Variants in TMEM132C observed in about 807,000 individuals in gnomAD.
TMEM132C encodes transmembrane protein 132C, also known as protein phosphatase 1, regulatory subunit 152.
TMEM132C carries 29 observed loss-of-function variants against 61.4 expected under a neutral mutation model. The observed-to-expected ratio is 0.47, with a 90% CI of 0.35 to 0.64. The LOEUF is 0.64. TMEM132C is among the 30% of genes least tolerant of loss of function. The pLI, the probability that TMEM132C is intolerant of heterozygous loss-of-function variation, is 0.00. For synonymous variants in TMEM132C, 656 were observed against 633.1 expected, an observed-to-expected ratio of 1.04 and a Z score of -0.54; for missense variants, 1,408 against 1,476.9, an observed-to-expected ratio of 0.95 and a Z score of 0.76.
At chr12:128,659,521 A>T (rs1261193637) in intron 4 of TMEM132C, among the ~76,000 whole-genome samples, 1 of 152,236 alleles carries the variant, frequency 6.6e-6, no homozygotes, top group Admixed American at 6.5e-5. Flanking sequence ...GAGGAGACCA[A>T]GCAAGACACC....
chr12:128,493,816 C>T (rs1182891746), intron 2 of TMEM132C, among the ~76,000 whole-genome samples: 1 of 152,168 alleles, frequency 6.6e-6, no homozygotes, highest in Admixed American at 6.5e-5. Flanking sequence ...TTGACTTCCT[C>T]TTTTCCTAAT....
chr12:128,439,740 C>A (rs1869719223), intron 2 of TMEM132C, among the ~76,000 whole-genome samples: 1 of 152,084 alleles, frequency 6.6e-6, no homozygotes, highest in Admixed American at 6.6e-5. Flanking sequence ...CTGTAGCTGA[C>A]TGTAGTGGGG....
chr12:128,694,285 C>T (rs557371388), intron 6 of TMEM132C, among the ~76,000 whole-genome samples: 2 of 152,224 alleles, frequency 1.3e-5, no homozygotes, highest in East Asian at 1.9e-4. Flanking sequence ...CAAAATGACA[C>T]GATGGAGTTA....
At chr12:128,460,778 C>A (rs191007276) in intron 2 of TMEM132C, among the ~76,000 whole-genome samples, 52 of 152,274 alleles carry the variant, frequency 3.4e-4, no homozygotes, top group African/African-American at 1.1e-3. Flanking sequence ...CCGCAGGACT[C>A]CACTCTTGGC....
At chr12:128,289,262 TTA>T (rs2135906947) in intron 1 of TMEM132C, among the ~76,000 whole-genome samples, 1 of 152,144 alleles carries the variant, frequency 6.6e-6, no homozygotes, top group African/African-American at 2.4e-5. Context: ...ACATGCACAC[TTA>T]TACACACGCA....
chr12:128,505,461 T>G (rs1004903873), intron 2 of TMEM132C, among the ~76,000 whole-genome samples: 3 of 152,134 alleles, frequency 2.0e-5, no homozygotes, highest in Non-Finnish European at 4.4e-5. Flanking sequence ...AAGGAGTCTG[T>G]GGGGGGCTAG....
chr12:128,699,820 G>C (rs1213026186), intron 8 of TMEM132C, among the ~76,000 whole-genome samples: 1 of 152,168 alleles, frequency 6.6e-6, no homozygotes, highest in African/African-American at 2.4e-5. Flanking sequence ...TGAAGAGAGA[G>C]TTGCTACCTG....
chr12:128,390,954 A>G (rs1023004096), intron 1 of TMEM132C, among the ~76,000 whole-genome samples: 2 of 152,154 alleles, frequency 1.3e-5, no homozygotes, highest in Admixed American at 6.5e-5. Context: ...TTGAAGCTGT[A>G]ATTTGAAGAG....
chr12:128,465,892 G>A (rs555372214), intron 2 of TMEM132C, among the ~76,000 whole-genome samples: 1 of 152,334 alleles, frequency 6.6e-6, no homozygotes, highest in East Asian at 1.9e-4. Context: ...GTGTCTGTGG[G>A]AAGGAGGATG....
chr12:128,279,648 T>C (rs1042611598), intron 1 of TMEM132C, among the ~76,000 whole-genome samples: 1 of 152,222 alleles, frequency 6.6e-6, no homozygotes, highest in Non-Finnish European at 1.5e-5. Context: ...ATGCCTACTG[T>C]GGGGTAACTT....
intron 2 of TMEM132C, among the ~76,000 whole-genome samples, chr12:128,523,617 C>T (rs1872980438): frequency 6.6e-6 from 1 of 152,074 alleles, no homozygotes; most frequent in Non-Finnish European, 1.5e-5. Flanking sequence ...AGCATAGACT[C>T]ACAACCTCCT....
intron 3 of TMEM132C, among the ~76,000 whole-genome samples, chr12:128,577,781 C>T (rs1040337565): frequency 6.6e-6 from 1 of 152,328 alleles, no homozygotes; most frequent in East Asian, 1.9e-4. Context: ...TGAGTCTCTC[C>T]TCCTCACTTC....
Position 128,705,947 on chromosome 12 carries a change from G to A in TMEM132C, c.2979G>A (p.Glu993=), listed in dbSNP as rs1954836317. Residue 993 remains glutamate (E), a synonymous_variant, in exon 9 of 9, where the codon GAG becomes GAA. Coordinates refer to ENST00000435159, the MANE Select transcript of TMEM132C (RefSeq NM_001136103.3). The part of the protein sequence containing the change: ...SMGDAPPPQD[E]HTTIIDRGPG... ...GGGATGCGCCGCCGCCCCAGGACGA[G>A]CACACCACCATCATAGACCGCGGAC... is the stretch of plus-strand genomic sequence containing the variant. The A allele has an allele frequency of 2.6e-6, 4 of 1,551,498 alleles. No individual in the cohort carries two copies. Among genetic ancestry groups the A allele is most frequent in the Non-Finnish European group, 3.5e-6 (4 of 1,146,952 alleles).
chr12:128,360,753 G>T (rs1207219117), intron 1 of TMEM132C, among the ~76,000 whole-genome samples: 1 of 152,194 alleles, frequency 6.6e-6, no homozygotes, highest in African/African-American at 2.4e-5. Context: ...TTCCATCACG[G>T]AAGCTTTAGA....
chr12:128,550,257 G>C (rs373909486), intron 3 of TMEM132C, among the ~76,000 whole-genome samples: 3 of 152,078 alleles, frequency 2.0e-5, no homozygotes, highest in Non-Finnish European at 4.4e-5. Context: ...TGTGTCCTCA[G>C]AGGGCCTTTC....
intron 4 of TMEM132C, among the ~76,000 whole-genome samples, chr12:128,665,929 GGA>G (rs2135626920): frequency 2.0e-5 from 2 of 99,406 alleles, no homozygotes; most frequent in South Asian, 3.5e-4. Context: ...ACATTCACAG[GGA>G]CTCATACACA....
In TMEM132C at chr12:128,596,528, C is replaced by T. The variant is rs554602941; in HGVS notation, c.1122-19624C>T. Among the ~76,000 whole-genome samples the T allele has an allele frequency of 5.0e-4, 74 of 149,406 alleles. 2 individuals are homozygous for T. The South Asian group carries it at 0.015, about 31-fold the overall frequency. Reference sequence around the variant, plus strand: ...TTTGCAGGTCCTGGTACAGAGGCGGCAGGGCTTCACTGATCCCTGTTCTGT... The same window carrying T: ...TTTGCAGGTCCTGGTACAGAGGCGGTAGGGCTTCACTGATCCCTGTTCTGT... On this transcript the variant is annotated intron_variant, in intron 3 of 8. Transcript: ENST00000435159.
At chr12:128,700,110 T>C (rs1320002394) in intron 8 of TMEM132C, among the ~76,000 whole-genome samples, 1 of 152,214 alleles carries the variant, frequency 6.6e-6, no homozygotes, top group African/African-American at 2.4e-5. Context: ...CCCCTTGGCA[T>C]GGGGTATGGC....
At position 128,415,078 on chromosome 12, in the gene TMEM132C, G is replaced by T. The variant is rs1179130837; in HGVS notation, c.432G>T (p.Arg144=). The change falls in exon 2 of 9, where the codon CGG becomes CGT. Residue 144 remains arginine (R), a synonymous_variant. Transcript: ENST00000435159. This position sits in a 1 kb window ranked among gnomAD's most constrained non-coding sequence, Gnocchi z 5.8. ...HILRDKVYLS[R]PKVQVLFHIM... ...TGCGGGACAAAGTCTACCTGAGCCGGCCCAAAGTGCAGGTTCTTTTCCACA... is the reference window on the plus strand; with the variant it reads ...TGCGGGACAAAGTCTACCTGAGCCGTCCCAAAGTGCAGGTTCTTTTCCACA... The T allele has an allele frequency of 6.2e-7, 1 of 1,602,506 alleles. No individual in the cohort carries two copies. The highest frequency in any genetic ancestry group is 1.1e-5 in the South Asian group (1 of 88,884).
Sources: gnomAD v4.1 joint callset for allele counts (sites outside exome capture counted in the v4.1 genomes callset) on GRCh38, gnomAD v4.1.1 for gene constraint, Gnocchi (gnomAD v3.1) non-coding constraint, MANE v1.5 for transcripts, NCBI Gene and HGNC (gene_info 2026-07-23, HGNC 2026-07-21) for gene names.